Variants in JMJD1C observed in about 807,000 individuals in gnomAD.
JMJD1C encodes the protein jumonji domain containing 1C.
JMJD1C carries 31 observed loss-of-function variants against 245.3 expected under a neutral mutation model. The ratio of observed to expected loss-of-function variants is 0.13; its 90% CI spans 0.09 to 0.17. JMJD1C has a LOEUF of 0.17. Among genes scored for constraint, JMJD1C ranks in the 10% least tolerant of loss-of-function variants. The pLI is 1.00. For synonymous variants in JMJD1C, 1,057 were observed against 1,017.4 expected (o/e 1.04, Z -0.74); for missense variants, 2,691 against 3,000.2 (o/e 0.90, Z 2.41).
chr10:63,183,198 T>C (rs2132881602), intron 22 of JMJD1C, among the ~76,000 whole-genome samples: 1 of 152,338 alleles, frequency 6.6e-6, no homozygotes, highest in Non-Finnish European at 1.5e-5. Context: ...TGGTGTATTT[T>C]CATCAACACA....
At chr10:63,313,616 C>G (rs776465259) in intron 2 of JMJD1C, among the ~76,000 whole-genome samples, 7 of 152,154 alleles carry the variant, frequency 4.6e-5, no homozygotes, top group Non-Finnish European at 1.0e-4. Flanking sequence ...TATTTTTTGA[C>G]TTTTTAATAA....
At chr10:63,487,339 A>G (rs1484575918) in intron 1 of JMJD1C, among the ~76,000 whole-genome samples, 1 of 152,226 alleles carries the variant, frequency 6.6e-6, no homozygotes, top group Non-Finnish European at 1.5e-5. Flanking sequence ...GATTCTCAAC[A>G]CAGGAGGGCT....
At chr10:63,491,783 A>T (rs1433714394) in intron 1 of JMJD1C, among the ~76,000 whole-genome samples, 4 of 152,162 alleles carry the variant, frequency 2.6e-5, no homozygotes, top group African/African-American at 9.7e-5. Flanking sequence ...TGGGCTCCTC[A>T]CTCTTTCCAG....
intron 3 of JMJD1C, among the ~76,000 whole-genome samples, chr10:63,230,288 G>A (rs1387835734): frequency 2.0e-5 from 3 of 151,822 alleles, no homozygotes; most frequent in African/African-American, 2.4e-5. Context: ...AGGAGAATCC[G>A]TTGAACCTGG....
chr10:63,223,359 C>G (rs1848855058), intron 3 of JMJD1C, among the ~76,000 whole-genome samples: 1 of 151,592 alleles, frequency 6.6e-6, no homozygotes, highest in Non-Finnish European at 1.5e-5. Flanking sequence ...TCCTGAGTAG[C>G]TGGGATTACA....
intron 1 of JMJD1C, among the ~76,000 whole-genome samples, chr10:63,412,104 C>T (rs763274110): frequency 6.6e-6 from 1 of 151,904 alleles, no homozygotes; most frequent in African/African-American, 2.4e-5. Flanking sequence ...GTACAACTGA[C>T]CCTGGAACAA....
At chr10:63,294,817 T>C (rs1295362496) in intron 2 of JMJD1C, among the ~76,000 whole-genome samples, 1 of 152,172 alleles carries the variant, frequency 6.6e-6, no homozygotes, top group Non-Finnish European at 1.5e-5. Flanking sequence ...GTATTTTCCA[T>C]AGTATCTAAA....
chr10:63,380,298 G>C lies in JMJD1C; in HGVS notation c.333+20C>G, dbSNP rs1359010453. The C allele has an allele frequency of 6.2e-7, 1 of 1,611,800 alleles. No homozygotes were observed. Among genetic ancestry groups the C allele is most frequent in the Non-Finnish European group, 8.5e-7 (1 of 1,178,018 alleles). ...AAACGAACAAATGAAAATGCTTAAT[G>C]AAACAGGAATAGATCTTACCAATGC... On this transcript the variant is annotated intron_variant, in intron 2 of 25. Transcript: ENST00000399262.
intron 2 of JMJD1C, among the ~76,000 whole-genome samples, chr10:63,271,758 T>A (rs997383014): frequency 6.6e-6 from 1 of 152,116 alleles, no homozygotes; most frequent in African/African-American, 2.4e-5. Context: ...ACCACATACA[T>A]AATCCCTTTA....
intron 2 of JMJD1C, among the ~76,000 whole-genome samples, chr10:63,280,962 CTT>C (rs200324748): frequency 5.6e-5 from 8 of 143,748 alleles, no homozygotes; most frequent in Admixed American, 1.4e-4. Flanking sequence ...ACCTCTTTTT[CTT>C]TTTTTTTTTT....
At chr10:63,389,159 A>T (rs1190415933) in intron 1 of JMJD1C, among the ~76,000 whole-genome samples, 1 of 151,982 alleles carries the variant, frequency 6.6e-6, no homozygotes, top group African/African-American at 2.4e-5. Context: ...CCCTATCTCT[A>T]CTAAAAATAC....
At chr10:63,366,840 A>G (rs913949286) in intron 2 of JMJD1C, among the ~76,000 whole-genome samples, 18 of 152,236 alleles carry the variant, frequency 1.2e-4, no homozygotes, top group African/African-American at 3.9e-4. Flanking sequence ...TTACATAAAC[A>G]ATAAATAAAG....
chr10:63,237,958 C>G (rs532969686), intron 3 of JMJD1C, among the ~76,000 whole-genome samples: 1 of 121,268 alleles, frequency 8.2e-6, no homozygotes, highest in Admixed American at 1.1e-4. Context: ...ATCACAAGGT[C>G]AAAACTTAGA....
chr10:63,475,172 A>G (rs186940684), intron 1 of JMJD1C, among the ~76,000 whole-genome samples: 130 of 152,338 alleles, frequency 8.5e-4, no homozygotes, highest in Admixed American at 4.8e-3. Flanking sequence ...CAACATATGT[A>G]GAGTCATTAT....
chr10:63,379,297 T>C (rs776194996), intron 2 of JMJD1C, among the ~76,000 whole-genome samples: 2 of 152,130 alleles, frequency 1.3e-5, no homozygotes, highest in African/African-American at 4.8e-5. Context: ...TATATTTCTT[T>C]GATAGTAACA....
intron 2 of JMJD1C, among the ~76,000 whole-genome samples, chr10:63,287,855 C>T (rs144013330): frequency 6.6e-6 from 1 of 152,056 alleles, no homozygotes; most frequent in Non-Finnish European, 1.5e-5. Flanking sequence ...TCAAGTGATT[C>T]TCCTGCCTCG....
chr10:63,428,425 C>G (rs1234278835), intron 1 of JMJD1C, among the ~76,000 whole-genome samples: 1 of 152,194 alleles, frequency 6.6e-6, no homozygotes, highest in Non-Finnish European at 1.5e-5. Flanking sequence ...AAAACATTCA[C>G]TACTTGAAAT....
At chr10:63,204,479 A>G (rs1207324843) in intron 10 of JMJD1C, 1 of 984,760 alleles carries the variant, frequency 1.0e-6, no homozygotes, top group African/African-American at 1.7e-5. Context: ...AAAACCTGGA[A>G]GGTACCTATC....
chr10:63,512,485 G>A (rs1223970549), intron 1 of JMJD1C, among the ~76,000 whole-genome samples: 6 of 152,066 alleles, frequency 3.9e-5, no homozygotes, highest in African/African-American at 1.4e-4. Flanking sequence ...TCTAGGTGGT[G>A]GGCTTCTTTC....
Sources: gnomAD v4.1 joint callset for allele counts (sites outside exome capture counted in the v4.1 genomes callset) on GRCh38, gnomAD v4.1.1 for gene constraint, MANE v1.5 for transcripts, NCBI Gene and HGNC (gene_info 2026-07-23, HGNC 2026-07-21) for gene names.